Variants in MTHFD1L observed in about 807,000 individuals in gnomAD.
MTHFD1L encodes the protein monofunctional C1-tetrahydrofolate synthase, mitochondrial.
MTHFD1L carries 81 observed loss-of-function variants against 119.5 expected under a neutral mutation model. That is an observed-to-expected ratio of 0.68 (90% confidence interval 0.57 to 0.82). MTHFD1L has a LOEUF of 0.82. MTHFD1L is among the 40% of genes least tolerant of loss of function. The pLI is 0.00. For synonymous variants in MTHFD1L, 430 were observed against 475.2 expected, an observed-to-expected ratio of 0.90 and a Z score of 1.24; for missense variants, 1,125 against 1,253.4, an observed-to-expected ratio of 0.90 and a Z score of 1.55.
At chr6:150,866,159 T>C in intron 1 of MTHFD1L, 110 bp downstream of exon 1, 2 of 1,385,104 alleles carry the variant, frequency 1.4e-6, no homozygotes, top group Non-Finnish European at 1.9e-6. Context: ...TGCGAGTGTT[T>C]GGTGCCAACT....
At chr6:150,872,321 C>T (rs1779684958) in intron 1 of MTHFD1L, among the ~76,000 whole-genome samples, 1 of 152,114 alleles carries the variant, frequency 6.6e-6, no homozygotes, top group Non-Finnish European at 1.5e-5. Context: ...TTCAATACAC[C>T]CTCCTCACTA....
At chr6:150,992,274 T>A (rs1046268829) in intron 20 of MTHFD1L, among the ~76,000 whole-genome samples, 6 of 152,162 alleles carry the variant, frequency 3.9e-5, no homozygotes, top group Non-Finnish European at 7.3e-5. Context: ...AAATGCACAA[T>A]GAAAAAACAA....
intron 17 of MTHFD1L, among the ~76,000 whole-genome samples, chr6:150,958,110 T>TA (rs1013733502): frequency 2.6e-5 from 4 of 152,144 alleles, no homozygotes; most frequent in Non-Finnish European, 5.9e-5. Context: ...GATGTTATGT[T>TA]AAAAAAACTT....
At chr6:150,974,930 G>T (rs1478033658) in intron 20 of MTHFD1L, among the ~76,000 whole-genome samples, 1 of 130,062 alleles carries the variant, frequency 7.7e-6, no homozygotes, top group Non-Finnish European at 1.6e-5. Flanking sequence ...TAGAGATGGG[G>T]TTTCTCCATG....
Position 151,034,531 on chromosome 6 carries a change from T to C in MTHFD1L, c.2625T>C (p.Ala875=). The part of the protein sequence containing the change: ...IVDKIRTIAQ[A]VYGAKDIELS... ...ACAAGATAAGGACCATTGCTCAGGC[T>C]GTCTATGGAGCCAAAGATATTGAAC... Residue 875 remains alanine (A), a synonymous_variant, in exon 25 of 28, where the codon GCT becomes GCC. Transcript: ENST00000367321. The C allele has an allele frequency of 2.5e-6, 4 of 1,611,914 alleles. No homozygotes were observed. In the Admixed American group the frequency reaches 5.0e-5, roughly 20 times the overall value.
At chr6:150,876,434 A>G (rs1780456219) in intron 2 of MTHFD1L, among the ~76,000 whole-genome samples, 1 of 152,190 alleles carries the variant, frequency 6.6e-6, no homozygotes. Context: ...CATGCATTGC[A>G]TTACACAGGA....
At chr6:151,088,431 G>T (rs575003273) in intron 26 of MTHFD1L, 1 of 152,044 alleles carries the variant, frequency 6.6e-6, no homozygotes, top group Non-Finnish European at 1.5e-5. Flanking sequence ...ACACTTTCTG[G>T]CATTTAATAT....
intron 26 of MTHFD1L, among the ~76,000 whole-genome samples, chr6:151,051,761 G>A (rs1789082367): frequency 6.6e-6 from 1 of 152,246 alleles, no homozygotes; most frequent in African/African-American, 2.4e-5. Context: ...GCTAAATGCA[G>A]TAGATGTTCA....
At chr6:150,907,022 A>C (rs1786037317) in intron 8 of MTHFD1L, among the ~76,000 whole-genome samples, 1 of 152,138 alleles carries the variant, frequency 6.6e-6, no homozygotes, top group Admixed American at 6.6e-5. Flanking sequence ...AAAAAAAAAA[A>C]AAACAAAGCC....
At chr6:150,866,235 G>A (rs1778274022) in intron 1 of MTHFD1L, 186 bp downstream of exon 1, 1 of 1,389,088 alleles carries the variant, frequency 7.2e-7, no homozygotes, top group Non-Finnish European at 9.3e-7. Flanking sequence ...GAGCGCTGGC[G>A]GAGAACGGGG....
chr6:151,012,437 C>T (rs1324148604), intron 21 of MTHFD1L, among the ~76,000 whole-genome samples: 1 of 152,046 alleles, frequency 6.6e-6, no homozygotes, highest in African/African-American at 2.4e-5. Flanking sequence ...TTGATCATTA[C>T]ACAAATAACC....
At chr6:151,016,768 C>CTTTTTTTT (rs757274955) in intron 24 of MTHFD1L, 36 of 217,752 alleles carry the variant, frequency 1.7e-4, no homozygotes, top group African/African-American at 3.7e-4. Context: ...CTATCTTAGC[C>CTTTTTTTT]TTTTTTTTTT....
At chr6:151,023,948 G>A (rs953714360) in intron 24 of MTHFD1L, among the ~76,000 whole-genome samples, 4 of 151,970 alleles carry the variant, frequency 2.6e-5, no homozygotes, top group East Asian at 1.9e-4. Context: ...AAGCAAGCTC[G>A]TGAAGACCAT....
intron 27 of MTHFD1L, chr6:151,100,077 A>G (rs1795244880): frequency 1.8e-6 from 1 of 564,274 alleles, no homozygotes; most frequent in African/African-American, 2.1e-5. Context: ...TCTGTCACCC[A>G]GGCTGAAGTG....
intron 21 of MTHFD1L, among the ~76,000 whole-genome samples, chr6:151,012,376 G>GTT (rs1346761149): frequency 6.6e-6 from 1 of 151,736 alleles, no homozygotes; most frequent in African/African-American, 2.4e-5. Context: ...TTCTACTTCT[G>GTT]TTTTCTTTTT....
intron 20 of MTHFD1L, chr6:150,984,915 C>T (rs532461526): frequency 1.4e-4 from 22 of 152,194 alleles, no homozygotes; most frequent in African/African-American, 4.6e-4. Context: ...TGAGTAGCCA[C>T]GCATATTAGG....
At chr6:150,866,478 C>T (rs978050691) in intron 1 of MTHFD1L, 27 of 1,316,514 alleles carry the variant, frequency 2.1e-5, no homozygotes, top group South Asian at 2.1e-5. Context: ...CCGGCTGGCC[C>T]GGGGTTCGGG....
intron 1 of MTHFD1L, among the ~76,000 whole-genome samples, chr6:150,867,196 T>A (rs896684265): frequency 2.6e-5 from 4 of 152,212 alleles, no homozygotes; most frequent in African/African-American, 7.2e-5. Context: ...GTTCTCTGTC[T>A]TCTTTTTCTT....
At chr6:150,949,627 G>T (rs371885183) in intron 16 of MTHFD1L, among the ~76,000 whole-genome samples, 1 of 151,938 alleles carries the variant, frequency 6.6e-6, no homozygotes, top group Non-Finnish European at 1.5e-5. Flanking sequence ...ACGAGGCATC[G>T]CTCCACTGCT....
Sources: allele counts gnomAD v4.1 joint callset (sites outside exome capture counted in the v4.1 genomes callset), GRCh38; gene constraint gnomAD v4.1.1; transcripts MANE v1.5; gene names NCBI Gene and HGNC (gene_info 2026-07-23, HGNC 2026-07-21).